Variants in PMS1 observed in about 807,000 individuals in gnomAD.
The protein encoded by PMS1 is PMS1 homolog 1, mismatch repair system component.
Under a neutral mutation model 93.1 loss-of-function variants are expected in PMS1, and 79 were observed. The ratio of observed to expected loss-of-function variants is 0.85; its 90% CI spans 0.71 to 1.02. The LOEUF (loss-of-function observed/expected upper bound fraction) is 1.02, where lower values mean the gene tolerates loss of function less well. PMS1 is among the 50% of genes least tolerant of loss of function. The pLI is 0.00. For synonymous variants in PMS1, 335 were observed against 363.4 expected (o/e 0.92, Z 0.89); for missense variants, 1,064 against 1,085.3 (o/e 0.98, Z 0.28).
chr2:189,848,585 A>T (rs1373771632), intron 6 of PMS1, among the ~76,000 whole-genome samples: 4 of 152,194 alleles, frequency 2.6e-5, no homozygotes, highest in African/African-American at 9.6e-5. Flanking sequence ...GAGTCCTAGT[A>T]ATCCATCATA....
intron 12 of PMS1, among the ~76,000 whole-genome samples, chr2:189,875,543 TAA>T (rs1559340761): frequency 6.6e-6 from 1 of 152,030 alleles, no homozygotes; most frequent in Non-Finnish European, 1.5e-5. Context: ...TGCCAGTAGT[TAA>T]AGAGTGTAGT....
rs2106559832 is a variant in PMS1, at chr2:189,877,445, G to A, written c.*9G>A. ...TTCCAGAAACTACATGATTAAATAT[G>A]TTTAAGAAGATTAGTTACCATTGAA... On this transcript the variant is annotated 3_prime_UTR_variant, in exon 13 of 13. Transcript: ENST00000441310. 2 of 1,590,804 alleles carry A rather than the reference G, an allele frequency of 1.3e-6. No individual in the cohort carries two copies. The highest frequency in any genetic ancestry group is 1.7e-6 in the Non-Finnish European group (2 of 1,159,210).
Position 189,795,946 on chromosome 2 carries a change from G to A in PMS1, c.310G>A (p.Ala104Thr), listed in dbSNP as rs200395679. Residue 104 changes from alanine to threonine, a missense_variant, in exon 3 of 13, where the codon GCT becomes ACT. Transcript: ENST00000441310. ...AGCCTTGGGGTCAATTTGTTGTATA[G>A]CTGAGGTAAGGTAATTATATTGGTT... ...GEALGSICCIAEVLITTRTAA... is the reference protein window; with the variant it reads ...GEALGSICCITEVLITTRTAA... 1.2e-6 allele frequency: 2 copies of A among 1,600,916 alleles called. No homozygotes were observed. The highest frequency in any genetic ancestry group is 2.2e-5 in the East Asian group (1 of 44,816).
intron 5 of PMS1, among the ~76,000 whole-genome samples, chr2:189,829,659 C>T (rs766526848): frequency 6.6e-6 from 1 of 152,152 alleles, no homozygotes; most frequent in Non-Finnish European, 1.5e-5. Context: ...CTGAATAGTG[C>T]CTCTGTAAAT....
intron 7 of PMS1, among the ~76,000 whole-genome samples, chr2:189,853,419 T>C (rs2054973396): frequency 1.3e-5 from 2 of 152,168 alleles, no homozygotes; most frequent in African/African-American, 4.8e-5. Context: ...ATTAAGCCAG[T>C]TTTATTGCAT....
At chr2:189,817,046 C>T (rs1437397629) in intron 4 of PMS1, among the ~76,000 whole-genome samples, 1 of 152,108 alleles carries the variant, frequency 6.6e-6, no homozygotes, top group African/African-American at 2.4e-5. Flanking sequence ...TCCCAGGGAA[C>T]ATTTGGCAGT....
rs560441915 is a variant in PMS1 at position 189,812,216 on chromosome 2, G to A, written c.419-5801G>A. 7.4e-4 allele frequency among the ~76,000 whole-genome samples: 112 copies of A among 152,258 alleles called. 1 individual carries two copies. Among genetic ancestry groups the A allele is most frequent in the African/African-American group, 2.6e-3 (106 of 41,544 alleles). On this transcript the variant is annotated intron_variant, in intron 4 of 12. Coordinates refer to ENST00000441310, the MANE Select transcript of PMS1 (RefSeq NM_000534.5). ...CTCGGGAGGGTGAGGCAGGAGAATT[G>A]CTTGAACCCAGGAGGCGGAGGTTGC...
chr2:189,825,804 A>G (rs980919547), intron 5 of PMS1, among the ~76,000 whole-genome samples: 3 of 152,214 alleles, frequency 2.0e-5, no homozygotes, highest in African/African-American at 7.2e-5. Flanking sequence ...TCACATGAGC[A>G]TTAAGGCTTA....
At chr2:189,859,316 C>A (rs1214571464) in intron 9 of PMS1, among the ~76,000 whole-genome samples, 1 of 152,160 alleles carries the variant, frequency 6.6e-6, no homozygotes, top group African/African-American at 2.4e-5. Context: ...CCATAAGTTA[C>A]AGTTGAGCAT....
chr2:189,873,938 G>A (rs760659982), intron 12 of PMS1, among the ~76,000 whole-genome samples: 2 of 152,206 alleles, frequency 1.3e-5, no homozygotes, highest in Non-Finnish European at 2.9e-5. Context: ...CCACAAAACC[G>A]GTCCCTGGTG....
At chr2:189,840,079 C>CT (rs1290555535) in intron 5 of PMS1, among the ~76,000 whole-genome samples, 5 of 151,982 alleles carry the variant, frequency 3.3e-5, no homozygotes, top group Non-Finnish European at 1.5e-5. Flanking sequence ...AAATTGTATA[C>CT]AATTTATTTT....
At chr2:189,809,953 G>A (rs1190136269) in intron 4 of PMS1, among the ~76,000 whole-genome samples, 3 of 152,108 alleles carry the variant, frequency 2.0e-5, no homozygotes, top group Non-Finnish European at 4.4e-5. Flanking sequence ...AAATCAACAG[G>A]TATCTCTTTT....
chr2:189,834,399 T>C (rs769797480), intron 5 of PMS1, among the ~76,000 whole-genome samples: 26 of 152,174 alleles, frequency 1.7e-4, no homozygotes, highest in Non-Finnish European at 3.5e-4. Flanking sequence ...GTACTTCTTG[T>C]TGAAGTGACC....
At chr2:189,835,105 C>A (rs1273931878) in intron 5 of PMS1, among the ~76,000 whole-genome samples, 1 of 152,170 alleles carries the variant, frequency 6.6e-6, no homozygotes, top group African/African-American at 2.4e-5. Context: ...TTTTCTTTAT[C>A]TTTCATCTGC....
intron 5 of PMS1, among the ~76,000 whole-genome samples, chr2:189,835,369 A>G (rs1242433971): frequency 1.3e-5 from 2 of 152,234 alleles, no homozygotes; most frequent in Non-Finnish European, 2.9e-5. Flanking sequence ...TTCTTTTAAC[A>G]GTAGTATTGA....
At chr2:189,817,374 A>G (rs2051409818) in intron 4 of PMS1, among the ~76,000 whole-genome samples, 2 of 152,238 alleles carry the variant, frequency 1.3e-5, no homozygotes, top group Admixed American at 6.5e-5. Context: ...ATATGTACCT[A>G]TGTACCTATC....
intron 9 of PMS1, among the ~76,000 whole-genome samples, chr2:189,858,364 A>G (rs946363573): frequency 1.7e-4 from 26 of 152,150 alleles, no homozygotes; most frequent in African/African-American, 6.0e-4. Context: ...TATTATGAAA[A>G]TGATAAACTT....
At chr2:189,805,840 C>G (rs779439438) in intron 4 of PMS1, 86 bp downstream of exon 4, 1 of 1,574,870 alleles carries the variant, frequency 6.3e-7, no homozygotes, top group Non-Finnish European at 8.6e-7. Context: ...TCGGTGAATA[C>G]AAATATATTG....
chr2:189,826,968 C>T (rs538032671), intron 5 of PMS1, among the ~76,000 whole-genome samples: 4 of 152,066 alleles, frequency 2.6e-5, no homozygotes, highest in East Asian at 3.9e-4. Flanking sequence ...CCTTGGTGAC[C>T]TCTTATGTAT....
Sources: gnomAD v4.1 joint callset for allele counts (sites outside exome capture counted in the v4.1 genomes callset) on GRCh38, gnomAD v4.1.1 for gene constraint, MANE v1.5 for transcripts, NCBI Gene and HGNC (gene_info 2026-07-23, HGNC 2026-07-21) for gene names.